Variants in KIF26B observed in about 807,000 individuals in gnomAD.
KIF26B encodes the protein kinesin-like protein KIF26B.
Under a neutral mutation model 151.2 loss-of-function variants are expected in KIF26B, and 63 were observed. The ratio of observed to expected loss-of-function variants is 0.42; its 90% CI spans 0.34 to 0.51. The LOEUF (loss-of-function observed/expected upper bound fraction) is 0.51. Ranked by LOEUF, KIF26B falls within the 20% of genes least tolerant of loss-of-function variation. The probability of loss-of-function intolerance (pLI) is 0.07; values close to 1 mark genes in which losing one functional copy is unlikely to be tolerated. For synonymous variants in KIF26B, 1,357 were observed against 1,262.1 expected (o/e 1.08, Z -1.59); for missense variants, 2,813 against 2,913.6 (o/e 0.97, Z 0.79).
chr1:245,606,109 G>C lies in KIF26B; in HGVS notation c.1558-1542G>C, dbSNP rs1357346869. 6.6e-6 allele frequency among the ~76,000 whole-genome samples: 1 copy of C among 152,078 alleles called. No individual in the cohort carries two copies. The highest frequency in any genetic ancestry group is 1.5e-5 in the Non-Finnish European group (1 of 68,028). On this transcript the variant is annotated intron_variant, in intron 6 of 14. Transcript: ENST00000407071. This position sits in a 1 kb window ranked among gnomAD's most constrained non-coding sequence, Gnocchi z 4.6. ...TCAGGGTTAGCACTGGGCTCTCCTT[G>C]CCTAAGTCCTGGGGGGTTTGAAAGA...
intron 3 of KIF26B, among the ~76,000 whole-genome samples, chr1:245,412,503 C>T (rs1572049404): frequency 6.6e-6 from 1 of 152,170 alleles, no homozygotes; most frequent in South Asian, 2.1e-4. Flanking sequence ...AAGATGAACG[C>T]CCATGCTGAC....
intron 2 of KIF26B, among the ~76,000 whole-genome samples, chr1:245,176,550 C>T (rs1668812272): frequency 6.6e-6 from 1 of 152,052 alleles, no homozygotes; most frequent in African/African-American, 2.4e-5. Context: ...CTACCAAAGG[C>T]CCTGATGGGT....
At chr1:245,657,368 T>A (rs1232610629) in intron 10 of KIF26B, among the ~76,000 whole-genome samples, 2 of 152,176 alleles carry the variant, frequency 1.3e-5, no homozygotes, top group Non-Finnish European at 2.9e-5. Context: ...ATACACACAG[T>A]GAACAAAGTT....
chr1:245,156,445 C>T lies in KIF26B; in HGVS notation c.227C>T (p.Ser76Leu), dbSNP rs1396543811. ...SGTPSPGSGT[S>L]SPSSFTGSPG... ...ACCCCGTCTCCCGGCTCGGGCACCT[C>T]GTCCCCGAGCTCGTTCACCGGCTCC... Residue 76 changes from serine to leucine, a missense_variant, in exon 2 of 15, where the codon TCG (serine) becomes TTG (leucine). Transcript: ENST00000407071. 13 of 1,525,210 alleles carry T rather than the reference C, an allele frequency of 8.5e-6. No individual in the cohort carries two copies. The highest frequency in any genetic ancestry group is 5.1e-5 in the East Asian group (2 of 39,496). 94.5% of individuals were successfully genotyped at this position (1,525,210 alleles called of 1,614,324 possible). A position where few individuals can be genotyped will look rare whatever the true frequency, so the allele number is the denominator to read the frequency against.
intron 4 of KIF26B, among the ~76,000 whole-genome samples, chr1:245,444,207 G>A (rs1392084188): frequency 9.2e-6 from 1 of 108,914 alleles, no homozygotes; most frequent in Non-Finnish European, 1.9e-5. Context: ...TCACCTAGAG[G>A]AGAGGTCATC....
rs1332908397 is a variant in KIF26B, at chr1:245,295,749, G to A, written c.466-71085G>A. Among the ~76,000 whole-genome samples the A allele has an allele frequency of 3.3e-5, 5 of 152,210 alleles. No homozygotes were observed. In the South Asian group the frequency reaches 8.3e-4, roughly 25 times the overall value. ...ATGGACTAGAACTAATTGGAAGTAA[G>A]ATATCCTGTAAGTCCATTTAGAAAA... On this transcript the variant is annotated intron_variant, in intron 2 of 14. Coordinates refer to ENST00000407071, the MANE Select transcript of KIF26B (RefSeq NM_018012.4).
rs148439116 is a variant in KIF26B, at chr1:245,311,127, C to T, written c.466-55707C>T. On this transcript the variant is annotated intron_variant, in intron 2 of 14. Transcript: ENST00000407071. The stretch of plus-strand genomic sequence containing the variant: ...CACAGATGTTCCTAAAAAGCAAAAG[C>T]GGAAGAGAGAAGCTAGACTCGCCTG... Among the ~76,000 whole-genome samples the T allele has an allele frequency of 4.7e-4, 72 of 152,202 alleles. No individual in the cohort carries two copies. In the East Asian group the frequency reaches 0.013, roughly 27 times the overall value.
At chr1:245,254,112 A>G (rs1009485041) in intron 2 of KIF26B, among the ~76,000 whole-genome samples, 4 of 152,056 alleles carry the variant, frequency 2.6e-5, no homozygotes, top group Non-Finnish European at 4.4e-5. Flanking sequence ...ACCCAGCTGA[A>G]GTGCTGTTTT....
intron 9 of KIF26B, among the ~76,000 whole-genome samples, chr1:245,636,461 T>C (rs1353028769): frequency 2.6e-5 from 4 of 152,094 alleles, no homozygotes; most frequent in Admixed American, 2.0e-4. Flanking sequence ...TTTTGATGCA[T>C]GTATACAATG....
rs570104782 is a variant in KIF26B at position 245,613,183 on chromosome 1, A to T, written c.2098+1207A>T. Among the ~76,000 whole-genome samples, 12 of 152,322 alleles carry T rather than the reference A, an allele frequency of 7.9e-5. No homozygotes were observed. In the South Asian group the frequency reaches 1.7e-3, roughly 21 times the overall value. On this transcript the variant is annotated intron_variant, in intron 9 of 14. Transcript: ENST00000407071. ...CTTTCTGCATGATTGTCTCAAAGAC[A>T]CTGGATGCCAGAAAAACAATCAGAA...
At chr1:245,220,468 G>C (rs1211201746) in intron 2 of KIF26B, among the ~76,000 whole-genome samples, 1 of 152,022 alleles carries the variant, frequency 6.6e-6, no homozygotes, top group East Asian at 1.9e-4. Flanking sequence ...CACAGCCTGT[G>C]CTCCCTCCCC....
intron 9 of KIF26B, among the ~76,000 whole-genome samples, chr1:245,628,427 G>T (rs1431173600): frequency 1.3e-5 from 2 of 152,222 alleles, no homozygotes; most frequent in African/African-American, 4.8e-5. Flanking sequence ...ATTGCAGTTA[G>T]CCAAGATGAA....
At chr1:245,444,186 T>C in intron 4 of KIF26B, among the ~76,000 whole-genome samples, 1 of 144,980 alleles carries the variant, frequency 6.9e-6, no homozygotes, top group African/African-American at 2.6e-5. Context: ...AGTGGTCATC[T>C]CCCTCACTGT....
intron 9 of KIF26B, among the ~76,000 whole-genome samples, chr1:245,631,309 C>T (rs902941980): frequency 6.6e-6 from 1 of 152,112 alleles, no homozygotes; most frequent in African/African-American, 2.4e-5. Context: ...TTTTCTATGC[C>T]TAACTTATTG....
chr1:245,452,613 T>A (rs12025355), intron 4 of KIF26B, among the ~76,000 whole-genome samples: 12,611 of 151,978 alleles, frequency 0.083, 761 homozygotes, highest in East Asian at 0.26. Context: ...TCCTTTTTTT[T>A]AAAAAAAGAA....
chr1:245,331,128 C>A (rs1009751496), intron 2 of KIF26B, among the ~76,000 whole-genome samples: 4 of 151,960 alleles, frequency 2.6e-5, no homozygotes, highest in Non-Finnish European at 4.4e-5. Context: ...ACGTAGGGTA[C>A]GAAGGGCCTG....
chr1:245,453,271 C>T (rs1659438474), intron 4 of KIF26B, among the ~76,000 whole-genome samples: 1 of 152,088 alleles, frequency 6.6e-6, no homozygotes, highest in African/African-American at 2.4e-5. Context: ...CAATTTCAAG[C>T]AGCATTATTA....
intron 4 of KIF26B, among the ~76,000 whole-genome samples, chr1:245,425,350 T>G (rs1244661018): frequency 6.6e-6 from 1 of 152,190 alleles, no homozygotes; most frequent in Non-Finnish European, 1.5e-5. Context: ...ATCTTTTGGG[T>G]GACCTCATAT....
intron 3 of KIF26B, among the ~76,000 whole-genome samples, chr1:245,399,573 C>T (rs1673943979): frequency 6.6e-6 from 1 of 152,298 alleles, no homozygotes; most frequent in Admixed American, 6.5e-5. Flanking sequence ...CATATCAAGA[C>T]AACACACTCT....
Sources: allele counts gnomAD v4.1 joint callset (sites outside exome capture counted in the v4.1 genomes callset), GRCh38; gene constraint gnomAD v4.1.1; non-coding constraint Gnocchi (gnomAD v3.1); transcripts MANE v1.5; gene names NCBI Gene and HGNC (gene_info 2026-07-23, HGNC 2026-07-21).